The following MEGF11 variants were observed in gnomAD, a reference collection of about 807,000 sequenced individuals.
MEGF11 encodes the protein multiple epidermal growth factor-like domains protein 11.
In MEGF11, 126 loss-of-function variants were observed where a neutral mutation model predicts 146.6. The ratio of observed to expected loss-of-function variants is 0.86; its 90% CI spans 0.74 to 1.00. The LOEUF (loss-of-function observed/expected upper bound fraction) is 1.00. MEGF11 is among the 50% of genes least tolerant of loss of function. The pLI is 0.00. For missense variants in MEGF11, 1,509 were observed against 1,521.2 expected, an observed-to-expected ratio of 0.99 and a Z score of 0.13; for synonymous variants, 532 against 583.4, an observed-to-expected ratio of 0.91 and a Z score of 1.27.
chr15:66,243,476 G>T (rs2092249057), intron 1 of MEGF11, among the ~76,000 whole-genome samples: 1 of 152,200 alleles, frequency 6.6e-6, no homozygotes, highest in Non-Finnish European at 1.5e-5. Flanking sequence ...ACTTCCAGGG[G>T]TGCAGAAGGG....
chr15:65,940,129 A>G (rs2079933628), intron 10 of MEGF11, among the ~76,000 whole-genome samples: 1 of 152,144 alleles, frequency 6.6e-6, no homozygotes, highest in South Asian at 2.1e-4. Context: ...TGAAAGGGGC[A>G]CAGGCTAGTC....
At chr15:66,098,935 T>C (rs921108681) in intron 4 of MEGF11, among the ~76,000 whole-genome samples, 9 of 152,138 alleles carry the variant, frequency 5.9e-5, no homozygotes, top group Admixed American at 2.6e-4. Flanking sequence ...CAGCCCTCAG[T>C]CCCCTCCATA....
intron 12 of MEGF11, among the ~76,000 whole-genome samples, 155 bp from the exon 13 acceptor site, chr15:65,928,682 C>T (rs1411382659): frequency 6.6e-6 from 1 of 152,106 alleles, no homozygotes; most frequent in East Asian, 1.9e-4. Flanking sequence ...CACAGAGATG[C>T]AGGGAGACTG....
intron 10 of MEGF11, among the ~76,000 whole-genome samples, chr15:65,956,992 C>T (rs1310160122): frequency 6.6e-6 from 1 of 152,104 alleles, no homozygotes; most frequent in African/African-American, 2.4e-5. Flanking sequence ...GCCCACTGAC[C>T]CTGGGAATTC....
chr15:66,057,263 T>G (rs1356074014), intron 5 of MEGF11, among the ~76,000 whole-genome samples: 1 of 152,088 alleles, frequency 6.6e-6, no homozygotes, highest in African/African-American at 2.4e-5. Context: ...GGTTGGCTGG[T>G]GGCAGGCAGC....
intron 1 of MEGF11, among the ~76,000 whole-genome samples, chr15:66,157,330 A>G (rs192499043): frequency 2.3e-4 from 35 of 152,330 alleles, no homozygotes; most frequent in Non-Finnish European, 3.7e-4. Context: ...TTTGATAAGA[A>G]AACAAATCAG....
intron 3 of MEGF11, among the ~76,000 whole-genome samples, chr15:66,119,791 C>A (rs920296753): frequency 6.6e-6 from 1 of 152,102 alleles, no homozygotes; most frequent in South Asian, 2.1e-4. Context: ...GACCCTTCAC[C>A]CTGCAAAGGA....
chr15:65,911,091 A>G (rs371611658), intron 21 of MEGF11, among the ~76,000 whole-genome samples: 2 of 152,324 alleles, frequency 1.3e-5, no homozygotes, highest in African/African-American at 2.4e-5. Context: ...CCTGTTGACT[A>G]TAAGAGGACA....
intron 1 of MEGF11, among the ~76,000 whole-genome samples, chr15:66,162,656 T>C (rs952144577): frequency 4.6e-5 from 7 of 152,138 alleles, no homozygotes; most frequent in Non-Finnish European, 7.3e-5. Context: ...AGGGCATTGA[T>C]GCCAAAGGCA....
At chr15:65,912,977 C>G (rs2078863969) in intron 20 of MEGF11, among the ~76,000 whole-genome samples, 1 of 152,216 alleles carries the variant, frequency 6.6e-6, no homozygotes, top group Admixed American at 6.5e-5. Flanking sequence ...CCCAGACAGG[C>G]TCAGCCTCAC....
chr15:65,947,405 G>C (rs1434875893), intron 10 of MEGF11, among the ~76,000 whole-genome samples: 3 of 152,134 alleles, frequency 2.0e-5, no homozygotes, highest in African/African-American at 7.2e-5. Flanking sequence ...TGCAAACGCT[G>C]ACCCCCTGTC....
At chr15:65,914,065 T>A in intron 19 of MEGF11, 92 bp from the exon 20 acceptor site, 4 of 934,542 alleles carry the variant, frequency 4.3e-6, no homozygotes, top group Non-Finnish European at 6.6e-6. Flanking sequence ...ACCCCTCTAA[T>A]GTTAGGAGAT....
intron 5 of MEGF11, among the ~76,000 whole-genome samples, chr15:66,012,332 T>C (rs2082734249): frequency 6.6e-6 from 1 of 152,244 alleles, no homozygotes. Flanking sequence ...AGCTTGGGCA[T>C]TTGGAGGCCC....
At position 65,912,276 on chromosome 15, in the gene MEGF11, C is replaced by T. The variant is rs142402332; in HGVS notation, c.2711-76G>A. 49 of 904,088 alleles carry T rather than the reference C, an allele frequency of 5.4e-5. No individual in the cohort carries two copies. The African/African-American group carries it at 5.5e-4, about 10-fold the overall frequency. 56.0% of individuals were successfully genotyped at this position (904,088 alleles called of 1,614,324 possible). Reference sequence around the variant, plus strand: ...GAGATACCCCCAGTACTAATGCTTGCGCTGGGAGCCTTGAGAGAGCCCTGC... The same window carrying T: ...GAGATACCCCCAGTACTAATGCTTGTGCTGGGAGCCTTGAGAGAGCCCTGC... On this transcript the variant is annotated intron_variant, in intron 20 of 25. Transcript: ENST00000395614.
At chr15:66,115,828 G>T (rs1055612490) in intron 4 of MEGF11, among the ~76,000 whole-genome samples, 2 of 152,202 alleles carry the variant, frequency 1.3e-5, no homozygotes, top group Non-Finnish European at 2.9e-5. Context: ...TCCTGCCGTT[G>T]CAGCCAGGAA....
intron 1 of MEGF11, among the ~76,000 whole-genome samples, chr15:66,222,826 A>T (rs1282064157): frequency 1.3e-5 from 2 of 152,218 alleles, no homozygotes; most frequent in African/African-American, 2.4e-5. Context: ...ACAATCAAAA[A>T]CTCAGATAAT....
intron 1 of MEGF11, among the ~76,000 whole-genome samples, chr15:66,186,428 T>G (rs901011607): frequency 3.9e-5 from 6 of 152,276 alleles, no homozygotes; most frequent in Admixed American, 6.5e-5. Flanking sequence ...CATTGGAATT[T>G]GCCCTGTGGG....
chr15:66,059,318 C>A (rs1218299502), intron 5 of MEGF11, among the ~76,000 whole-genome samples: 1 of 152,192 alleles, frequency 6.6e-6, no homozygotes, highest in Non-Finnish European at 1.5e-5. Context: ...CTGCCAGGCT[C>A]ATTAGAGCCC....
rs185297899 is a variant in MEGF11 at position 66,223,890 on chromosome 15, C to T, written c.-9+29715G>A. ...CATGAAGGACTGAGCCCCAGTGGCCCGAACTCCTGTACGTCCCCCTCCTTG... is the reference window on the plus strand; with the variant it reads ...CATGAAGGACTGAGCCCCAGTGGCCTGAACTCCTGTACGTCCCCCTCCTTG... On this transcript the variant is annotated intron_variant, in intron 1 of 25. Transcript: ENST00000395614. Among the ~76,000 whole-genome samples the T allele has an allele frequency of 1.2e-4, 19 of 152,246 alleles. No homozygotes were observed. In the East Asian group the frequency reaches 2.9e-3, roughly 23 times the overall value.
Sources: gnomAD v4.1 joint callset for allele counts (sites outside exome capture counted in the v4.1 genomes callset) on GRCh38, gnomAD v4.1.1 for gene constraint, MANE v1.5 for transcripts, NCBI Gene and HGNC (gene_info 2026-07-23, HGNC 2026-07-21) for gene names.